Variants in ZNF91 observed in about 807,000 individuals in gnomAD.
ZNF91 encodes zinc finger protein 91.
In ZNF91, 7 loss-of-function variants were observed where a neutral mutation model predicts 12.6. The ratio of observed to expected loss-of-function variants is 0.55; its 90% confidence interval spans 0.31 to 1.04. The LOEUF is 1.04. Among genes scored for constraint, ZNF91 ranks in the 50% least tolerant of loss-of-function variants. The pLI is 0.05. For missense variants in ZNF91, 1,217 were observed against 1,385.4 expected (o/e 0.88, Z 1.93); for synonymous variants, 453 against 462.6 (o/e 0.98, Z 0.27).
chr19:23,365,440 CAAT>C (rs1197706685), intron 3 of ZNF91, among the ~76,000 whole-genome samples: 1 of 151,628 alleles, frequency 6.6e-6, no homozygotes, highest in Admixed American at 6.6e-5. Flanking sequence ...CTGTAAATAA[CAAT>C]AAGAAATGCT....
At position 23,362,727 on chromosome 19, in the gene ZNF91, T is replaced by A; in HGVS notation, c.254-2A>T. 7.0e-7 allele frequency: 1 copy of A among 1,424,290 alleles called. No homozygotes were observed. The allele number at this position is 1,424,290 out of a possible 1,614,324, so 88.2% of individuals were successfully genotyped here. A position where few individuals can be genotyped will look rare whatever the true frequency, so the allele number is the denominator to read the frequency against. On this transcript the variant is annotated splice_acceptor_variant, in intron 3 of 3. Coordinates refer to ENST00000300619, the MANE Select transcript of ZNF91 (RefSeq NM_003430.4). LOFTEE classifies it high-confidence loss of function. ...CTTGAGGAAAATGAGGACATATACC[T>A]GAAAAAAAAAAACTAAAAATAATAA...
intron 1 of ZNF91, among the ~76,000 whole-genome samples, chr19:23,380,111 T>A (rs1186852555): frequency 5.3e-5 from 8 of 150,926 alleles, no homozygotes; most frequent in African/African-American, 2.0e-4. Context: ...AAATAAAAAA[T>A]TTGCTGGGCA....
intron 3 of ZNF91, among the ~76,000 whole-genome samples, chr19:23,340,669 C>T (rs934622079): frequency 6.6e-6 from 1 of 151,788 alleles, no homozygotes; most frequent in African/African-American, 2.4e-5. Context: ...CTAAGTCACT[C>T]AGAGGTCAGT....
In ZNF91 at chr19:23,357,870, T is replaced by G. The variant is rs29991; in HGVS notation, c.*1533A>C. 6 of 152,072 alleles carry G rather than the reference T, an allele frequency of 3.9e-5. No homozygotes were observed. The highest frequency in any genetic ancestry group is 3.9e-4 in the Admixed American group (6 of 15,268). 9.4% of individuals were successfully genotyped at this position (152,072 alleles called of 1,614,324 possible). ...GAGACCGCATTTAGTCTAATGCGAT[T>G]GTTATATATTGTGTGTCCGTATCAA... On this transcript the variant is annotated 3_prime_UTR_variant, in exon 4 of 4. Coordinates refer to ENST00000300619, the MANE Select transcript of ZNF91 (RefSeq NM_003430.4).
At chr19:23,334,707 T>C (rs1550238), downstream of ZNF91, among the ~76,000 whole-genome samples, 28,641 of 152,154 alleles carry the variant, frequency 0.19, 2,921 homozygotes, top group Non-Finnish European at 0.21. Context: ...CTCAAAAACA[T>C]TGAATATGAA....
intron 3 of ZNF91, among the ~76,000 whole-genome samples, chr19:23,305,987 A>G (rs1475448184): frequency 5.3e-5 from 8 of 152,246 alleles, no homozygotes; most frequent in Admixed American, 3.9e-4. Flanking sequence ...CACCCTTAGA[A>G]TATGCTAAGA....
At position 23,358,199 on chromosome 19, in the gene ZNF91, G is replaced by T. The variant is rs1968546007; in HGVS notation, c.*1204C>A. On this transcript the variant is annotated 3_prime_UTR_variant, in exon 4 of 4. Coordinates refer to ENST00000300619, the MANE Select transcript of ZNF91 (RefSeq NM_003430.4). ...GTATTTAACATGTTAAAACTGTTTG[G>T]TTGAAAAGTTCACATGCAATTTATA... The T allele has an allele frequency of 6.6e-6, 1 of 152,020 alleles. No homozygotes were observed. The highest frequency in any genetic ancestry group is 2.4e-5 in the African/African-American group (1 of 41,400). The allele number at this position is 152,020 out of a possible 1,614,324, so 9.4% of individuals were successfully genotyped here.
In ZNF91 at chr19:23,360,575, C is replaced by G. The variant is rs1301603834; in HGVS notation, c.2404G>C (p.Glu802Gln). 8 of 1,614,056 alleles carry G rather than the reference C, an allele frequency of 5.0e-6. No individual in the cohort carries two copies. The highest frequency in any genetic ancestry group is 5.9e-6 in the Non-Finnish European group (7 of 1,179,978). ...HTGEKPYKCEECGKAFSRSST... is the reference protein window; with the variant it reads ...HTGEKPYKCEQCGKAFSRSST... Reference sequence around the variant, plus strand: ...GAACGGCTAAAAGCTTTGCCACATTCTTCACATTTGTAGGGCTTCTCTCCA... The same window carrying G: ...GAACGGCTAAAAGCTTTGCCACATTGTTCACATTTGTAGGGCTTCTCTCCA... Residue 802 changes from glutamate to glutamine, a missense_variant, in exon 4 of 4, where the codon GAA (glutamate) becomes CAA (glutamine). Glu to Gln is a conservative substitution (Grantham distance 29, BLOSUM62 2). This residue lies in a region of ZNF91 where 491 missense variants were observed against 489.8 expected (regional missense o/e 1.00). Transcript: ENST00000300619.
At chr19:23,331,302 A>G (rs1967925032) in intron 1 of ZNF91, among the ~76,000 whole-genome samples, 1 of 152,184 alleles carries the variant, frequency 6.6e-6, no homozygotes, top group Non-Finnish European at 1.5e-5. Context: ...TTAATAAAGA[A>G]ATACAAGTTT....
chr19:23,318,800 A>G (rs969759658), intron 1 of ZNF91, among the ~76,000 whole-genome samples: 17 of 152,148 alleles, frequency 1.1e-4, no homozygotes, highest in Non-Finnish European at 2.4e-4. Flanking sequence ...CATTGCCCAC[A>G]GGGGTCACTG....
intron 3 of ZNF91, among the ~76,000 whole-genome samples, chr19:23,363,896 A>G (rs1014128340): frequency 2.0e-5 from 3 of 152,192 alleles, no homozygotes; most frequent in African/African-American, 7.2e-5. Context: ...GTAAGAAAAA[A>G]TGATGTAAAA....
At chr19:23,320,925 T>C (rs563003445) in intron 1 of ZNF91, among the ~76,000 whole-genome samples, 2 of 152,104 alleles carry the variant, frequency 1.3e-5, no homozygotes, top group Non-Finnish European at 2.9e-5. Context: ...TATGCATGGA[T>C]TTGTTGACCT....
chr19:23,323,639 T>C (rs1373443104), intron 1 of ZNF91, among the ~76,000 whole-genome samples: 5 of 132,768 alleles, frequency 3.8e-5, no homozygotes, highest in African/African-American at 9.3e-5. Flanking sequence ...TCCTCCTCCT[T>C]CTCTTCTCCT....
chr19:23,321,697 G>A (rs903512616), intron 1 of ZNF91, among the ~76,000 whole-genome samples: 36 of 152,052 alleles, frequency 2.4e-4, no homozygotes, highest in African/African-American at 8.7e-4. Flanking sequence ...TTCTTGCCTT[G>A]ACTCTGTCAA....
intron 1 of ZNF91, among the ~76,000 whole-genome samples, chr19:23,375,644 T>C (rs1196261838): frequency 6.6e-6 from 1 of 152,148 alleles, no homozygotes; most frequent in Non-Finnish European, 1.5e-5. Context: ...CTGTGTTTTT[T>C]TCAGTTTTTC....
chr19:23,361,086 T>C lies in ZNF91; in HGVS notation c.1893A>G (p.Lys631=), dbSNP rs746970235. 3.7e-6 allele frequency: 6 copies of C among 1,613,650 alleles called. No homozygotes were observed. The African/African-American group carries it at 8.0e-5, about 22-fold the overall frequency. Reference sequence around the variant, plus strand: ...TAAAAGCTTTGCCACATTCTTCACATTTGTAGGGTTTCTCTCCAGTGTGTA... The same window carrying C: ...TAAAAGCTTTGCCACATTCTTCACACTTGTAGGGTTTCTCTCCAGTGTGTA... The part of the protein sequence containing the change: ...KRIHTGEKPY[K]CEECGKAFSH... The change falls in exon 4 of 4, where the codon AAA becomes AAG. Residue 631 remains lysine, a synonymous_variant. Transcript: ENST00000300619.
At position 23,395,227 on chromosome 19, in the gene ZNF91, G is replaced by A. The variant is rs1970193056; in HGVS notation, c.30+98C>T. 2.1e-6 allele frequency: 3 copies of A among 1,452,426 alleles called. No individual in the cohort carries two copies. In the African/African-American group the frequency reaches 4.2e-5, roughly 20 times the overall value. The allele number at this position is 1,452,426 out of a possible 1,614,324, so 90.0% of individuals were successfully genotyped here. ...GGAGAACCCGGGCACGGATTGTGGA[G>A]CTGACTGAAGGAAGGCCTGAGGCTC... is the stretch of plus-strand genomic sequence containing the variant. On this transcript the variant is annotated intron_variant, in intron 1 of 3. Transcript: ENST00000300619.
chr19:23,383,513 C>G (rs1969783527), intron 1 of ZNF91, among the ~76,000 whole-genome samples: 1 of 151,940 alleles, frequency 6.6e-6, no homozygotes, highest in African/African-American at 2.4e-5. Context: ...CATAGCAAAA[C>G]CCCATCTCTA....
rs148885759 is a variant in ZNF91 at position 23,391,428 on chromosome 19, T to C, written c.30+3897A>G. Among the ~76,000 whole-genome samples, 299 of 152,286 alleles carry C rather than the reference T, an allele frequency of 2.0e-3. 2 individuals carry two copies. Among genetic ancestry groups the C allele is most frequent in the Non-Finnish European group, 3.7e-3 (254 of 68,008 alleles). ...AGGGTAAAACATTCTCAAAATCTGA[T>C]TTTATTACCCTCTGTTTAAACATTC... On this transcript the variant is annotated intron_variant, in intron 1 of 3. Coordinates refer to ENST00000300619, the MANE Select transcript of ZNF91 (RefSeq NM_003430.4).
Sources: allele counts gnomAD v4.1 joint callset (sites outside exome capture counted in the v4.1 genomes callset), GRCh38; gene constraint gnomAD v4.1.1; regional missense constraint gnomAD v4.1.1; transcripts MANE v1.5; gene names NCBI Gene and HGNC (gene_info 2026-07-23, HGNC 2026-07-21).